ITGA2: variants seen among roughly 807,000 people sequenced by gnomAD.
ITGA2 encodes the protein integrin alpha-2.
In ITGA2, 101 loss-of-function variants were observed where a neutral mutation model predicts 146.3. The observed-to-expected ratio is 0.69, with a 90% CI of 0.59 to 0.81. The LOEUF (loss-of-function observed/expected upper bound fraction) is 0.81, where lower values mean the gene tolerates loss of function less well. Among genes scored for constraint, ITGA2 ranks in the 40% least tolerant of loss-of-function variants. The pLI, the probability that ITGA2 is intolerant of heterozygous loss-of-function variation, is 0.00. For missense variants in ITGA2, 1,281 were observed against 1,402.7 expected (o/e 0.91, Z 1.39); for synonymous variants, 477 against 487.1 (o/e 0.98, Z 0.27).
chr5:53,026,854 T>A lies in ITGA2; in HGVS notation c.171T>A (p.Asn57Lys), dbSNP rs780441074. Reference protein sequence around the residue: ...QFGYAVQQFINPKGNWLLVGS... With the variant: ...QFGYAVQQFIKPKGNWLLVGS... ...GCTATGCAGTGCAGCAGTTTATAAA[T>A]CCAAAAGGCAACTGGTAAGAATATT... The change falls in exon 2 of 30, where the codon AAT (asparagine) becomes AAA (lysine). Residue 57 changes from asparagine to lysine, a missense_variant. This residue lies in a region of ITGA2 where 795 missense variants were observed against 841.7 expected (regional missense o/e 0.94). Transcript: ENST00000296585. 9.9e-6 allele frequency: 16 copies of A among 1,612,840 alleles called. No individual in the cohort carries two copies. The highest frequency in any genetic ancestry group is 1.3e-5 in the African/African-American group (1 of 74,916).
chr5:53,075,006 G>T, intron 21 of ITGA2, 55 bp from the exon 22 acceptor site: 3 of 1,131,978 alleles, frequency 2.7e-6, no homozygotes, highest in Admixed American at 3.7e-5. Context: ...TTTTTTTCAC[G>T]TTGGCCTCTG....
At chr5:53,043,832 A>G (rs1743925137) in intron 3 of ITGA2, among the ~76,000 whole-genome samples, 1 of 152,164 alleles carries the variant, frequency 6.6e-6, no homozygotes, top group Non-Finnish European at 1.5e-5. Flanking sequence ...GACACAAAGG[A>G]AGGAGAGAAA....
At position 53,091,088 on chromosome 5, in the gene ITGA2, A is replaced by C. The variant is rs1261417804; in HGVS notation, c.*489A>C. On this transcript the variant is annotated 3_prime_UTR_variant, in exon 30 of 30. Transcript: ENST00000296585. ...ATTGATGTTAACAAGAGGGGAAAAC[A>C]AAACACAGGTTTTTTCAATTTATGC... is the stretch of plus-strand genomic sequence containing the variant. 4.4e-6 allele frequency: 1 copy of C among 225,164 alleles called. No homozygotes were observed. Among genetic ancestry groups the C allele is most frequent in the African/African-American group, 2.3e-5 (1 of 43,574 alleles). The allele number at this position is 225,164 out of a possible 1,614,324, so 13.9% of individuals were successfully genotyped here. A position where few individuals can be genotyped will look rare whatever the true frequency, so the allele number is the denominator to read the frequency against.
Position 53,091,412 on chromosome 5 carries a change from G to A in ITGA2, c.*813G>A, listed in dbSNP as rs1407472947. The A allele has an allele frequency of 6.6e-6, 1 of 152,198 alleles. No individual in the cohort carries two copies. Among genetic ancestry groups the A allele is most frequent in the Non-Finnish European group, 1.5e-5 (1 of 68,052 alleles). 9.4% of individuals were successfully genotyped at this position (152,198 alleles called of 1,614,324 possible). A position where few individuals can be genotyped will look rare whatever the true frequency, so the allele number is the denominator to read the frequency against. On this transcript the variant is annotated 3_prime_UTR_variant, in exon 30 of 30. Transcript: ENST00000296585. ...CCTGTGCCAGAGGAAGGAAAAGGAG[G>A]AAATTTCCTTTCTCTTTTAGGAGGC...
intron 7 of ITGA2, 40 bp from the exon 8 acceptor site, chr5:53,055,498 A>G: frequency 1.2e-6 from 2 of 1,601,310 alleles, no homozygotes; most frequent in Non-Finnish European, 8.6e-7. Context: ...TTAACTTCAT[A>G]TTTTGATAGC....
In ITGA2 at chr5:53,067,161, C is replaced by A; in HGVS notation, c.1987C>A (p.Pro663Thr). 1.2e-6 allele frequency: 2 copies of A among 1,611,214 alleles called. No homozygotes were observed. Among genetic ancestry groups the A allele is most frequent in the Non-Finnish European group, 1.7e-6 (2 of 1,178,546 alleles). The change falls in exon 16 of 30, where the codon CCA (proline) becomes ACA (threonine). Residue 663 changes from proline (P) to threonine (T), a missense_variant. Coordinates refer to ENST00000296585, the MANE Select transcript of ITGA2 (RefSeq NM_002203.4). ...TGTAGCTATAGAAGCTTCATTCACA[C>A]CAGAAAAAATCACTTTGGTCAACAA... ...ADVAIEASFT[P>T]EKITLVNKNA... is the part of the protein sequence containing the mutation.
At chr5:53,017,545 C>T (rs2111772269) in intron 1 of ITGA2, among the ~76,000 whole-genome samples, 1 of 152,374 alleles carries the variant, frequency 6.6e-6, no homozygotes. Flanking sequence ...GTGGTGGCAG[C>T]AGGATCCATC....
At chr5:53,041,586 T>C (rs1243466732) in intron 2 of ITGA2, among the ~76,000 whole-genome samples, 1 of 152,144 alleles carries the variant, frequency 6.6e-6, no homozygotes, top group Non-Finnish European at 1.5e-5. Flanking sequence ...GAACAATACG[T>C]AGCCACGAGC....
chr5:53,048,743 C>T lies in ITGA2; in HGVS notation c.603C>T (p.Gly201=), dbSNP rs904539063. The stretch of plus-strand genomic sequence containing the variant: ...ATTTTTTGGAAAAATTTGTACAAGG[C>T]CTGGATATAGGCCCCACAAAGACAC... ...VKNFLEKFVQ[G]LDIGPTKTQV... The change falls in exon 6 of 30, where the codon GGC becomes GGT. Residue 201 remains glycine, a synonymous_variant. Coordinates refer to ENST00000296585, the MANE Select transcript of ITGA2 (RefSeq NM_002203.4). 6.2e-6 allele frequency: 10 copies of T among 1,613,802 alleles called. No individual in the cohort carries two copies. In the African/African-American group the frequency reaches 1.1e-4, roughly 17 times the overall value.
At chr5:53,030,706 T>C (rs1743182980) in intron 2 of ITGA2, among the ~76,000 whole-genome samples, 1 of 152,176 alleles carries the variant, frequency 6.6e-6, no homozygotes, top group Non-Finnish European at 1.5e-5. Flanking sequence ...TTGTTGGCCT[T>C]AAGGAGTGTA....
intron 20 of ITGA2, among the ~76,000 whole-genome samples, chr5:53,073,810 G>T (rs2112003401): frequency 6.6e-6 from 1 of 151,762 alleles, no homozygotes; most frequent in East Asian, 2.0e-4. Context: ...ATTAAACAAT[G>T]ATTTCATTTA....
At chr5:53,086,455 T>G (rs563213949) in intron 27 of ITGA2, among the ~76,000 whole-genome samples, 1 of 152,186 alleles carries the variant, frequency 6.6e-6, no homozygotes, top group Non-Finnish European at 1.5e-5. Context: ...TTTACACACA[T>G]GTACCCAGAA....
At chr5:53,055,500 T>G in intron 7 of ITGA2, 38 bp from the exon 8 acceptor site, 1 of 1,603,084 alleles carries the variant, frequency 6.2e-7, no homozygotes, top group Non-Finnish European at 8.5e-7. Context: ...AACTTCATAT[T>G]TTGATAGCAA....
chr5:53,080,572 C>G lies in ITGA2; in HGVS notation c.2990C>G (p.Thr997Ser). ...GTAATCATCCACATCCCTCAGTATACCAAAGAAAAGAACCCACTGATGTAC... is the reference window on the plus strand; with the variant it reads ...GTAATCATCCACATCCCTCAGTATAGCAAAGAAAAGAACCCACTGATGTAC... ...ATVIIHIPQY[T>S]KEKNPLMYLT... Residue 997 changes from threonine (T) to serine (S), a missense_variant, in exon 25 of 30, where the codon ACC becomes AGC. Physicochemically the swap from Thr to Ser is moderately conservative, Grantham distance 58. Around this residue, in one of 3 missense-constraint regions of ITGA2, gnomAD observed 475 missense variants for 530.5 expected, o/e 0.90. Transcript: ENST00000296585. 9 of 1,613,572 alleles carry G rather than the reference C, an allele frequency of 5.6e-6. No individual in the cohort carries two copies. Among genetic ancestry groups the G allele is most frequent in the Non-Finnish European group, 7.6e-6 (9 of 1,179,694 alleles).
At chr5:53,062,048 G>A (rs1435630726) in intron 12 of ITGA2, among the ~76,000 whole-genome samples, 1 of 151,882 alleles carries the variant, frequency 6.6e-6, no homozygotes, top group Non-Finnish European at 1.5e-5. Context: ...ACATAGGCAT[G>A]CATTGAACGT....
At chr5:53,031,231 A>C (rs899667187) in intron 2 of ITGA2, among the ~76,000 whole-genome samples, 2 of 152,368 alleles carry the variant, frequency 1.3e-5, no homozygotes, top group African/African-American at 4.8e-5. Flanking sequence ...TGGACACAGA[A>C]ATTGGTATGA....
At position 53,090,685 on chromosome 5, in the gene ITGA2, TA is replaced by T. The variant is rs1740372095; in HGVS notation, c.*87del. 2.8e-6 allele frequency: 3 copies of T among 1,082,730 alleles called. No individual in the cohort carries two copies. The highest frequency in any genetic ancestry group is 2.6e-5 in the South Asian group (2 of 77,568). The allele number at this position is 1,082,730 out of a possible 1,614,324, so 67.1% of individuals were successfully genotyped here. On this transcript the variant is annotated 3_prime_UTR_variant, in exon 30 of 30. Transcript: ENST00000296585. ...TGAATGGATTTCTTTTTAAATCCCA[TA>T]TTTTTTTTATCATGTCGTAGGTAAA... is the stretch of plus-strand genomic sequence containing the variant.
At chr5:53,059,782 C>G in intron 10 of ITGA2, 92 bp from the exon 11 acceptor site, 1 of 1,147,286 alleles carries the variant, frequency 8.7e-7, no homozygotes. Context: ...TTTAATAAAT[C>G]TAAACAACTT....
chr5:53,050,163 A>C (rs1363089808), intron 6 of ITGA2, among the ~76,000 whole-genome samples: 1 of 152,130 alleles, frequency 6.6e-6, no homozygotes, highest in Non-Finnish European at 1.5e-5. Context: ...AATGTGACTA[A>C]TTTTATTTAA....
Sources: allele counts gnomAD v4.1 joint callset (sites outside exome capture counted in the v4.1 genomes callset), GRCh38; gene constraint gnomAD v4.1.1; regional missense constraint gnomAD v4.1.1; transcripts MANE v1.5; gene names NCBI Gene and HGNC (gene_info 2026-07-23, HGNC 2026-07-21).